The following RBFOX1 variants were observed in gnomAD, a reference collection of about 807,000 sequenced individuals.
The protein encoded by RBFOX1 is RNA binding fox-1 homolog 1.
A neutral mutation model predicts 57.7 loss-of-function variants in RBFOX1; 8 were observed. The ratio of observed to expected loss-of-function variants is 0.14; its 90% confidence interval spans 0.08 to 0.25. RBFOX1 has a LOEUF of 0.25. Ranked by LOEUF, RBFOX1 falls within the 10% of genes least tolerant of loss-of-function variation. The probability of loss-of-function intolerance (pLI) is 1.00; values close to 1 mark genes in which losing one functional copy is unlikely to be tolerated. For synonymous variants in RBFOX1, 326 were observed against 222.4 expected (o/e 1.47, Z -4.15); for missense variants, 611 against 548.5 (o/e 1.11, Z -1.14).
At chr16:6,498,670 C>G (rs2095839523) in intron 2 of RBFOX1, among the ~76,000 whole-genome samples, 1 of 152,162 alleles carries the variant, frequency 6.6e-6, no homozygotes, top group South Asian at 2.1e-4. Context: ...ATAAGGGTTT[C>G]TAAAGAATGT....
At chr16:5,380,335 T>C (rs1258722096) in intron 1 of RBFOX1, among the ~76,000 whole-genome samples, 2 of 152,212 alleles carry the variant, frequency 1.3e-5, no homozygotes, top group East Asian at 3.8e-4. Context: ...GTCCCAAGGA[T>C]AGACGTACAG....
intron 4 of RBFOX1, among the ~76,000 whole-genome samples, chr16:7,069,593 G>A (rs372002135): frequency 9.5e-4 from 144 of 152,206 alleles, no homozygotes; most frequent in Non-Finnish European, 1.3e-3. Flanking sequence ...TTCCTTTCAC[G>A]GCCTGGGTAA....
intron 4 of RBFOX1, among the ~76,000 whole-genome samples, chr16:7,333,356 G>C (rs2096727318): frequency 6.6e-6 from 1 of 152,174 alleles, no homozygotes; most frequent in African/African-American, 2.4e-5. Flanking sequence ...TCAGGAGGTT[G>C]ACCACGGGGC....
chr16:7,169,190 C>A (rs2080178591), intron 4 of RBFOX1, among the ~76,000 whole-genome samples: 1 of 152,092 alleles, frequency 6.6e-6, no homozygotes, highest in Non-Finnish European at 1.5e-5. Flanking sequence ...CCATAGTTTC[C>A]TCATATTTAT....
intron 3 of RBFOX1, among the ~76,000 whole-genome samples, chr16:6,848,410 T>A (rs967363218): frequency 1.4e-4 from 22 of 152,270 alleles, no homozygotes; most frequent in African/African-American, 5.3e-4. Context: ...GAAAATGCTT[T>A]GCATGCCAAA....
chr16:7,147,103 C>T (rs2075153663), intron 4 of RBFOX1, among the ~76,000 whole-genome samples: 1 of 138,544 alleles, frequency 7.2e-6, no homozygotes, highest in African/African-American at 2.7e-5. Context: ...CCCCAGCCTC[C>T]TGAATAGCTG....
At chr16:6,273,435 C>G (rs1018220351) in intron 1 of RBFOX1, among the ~76,000 whole-genome samples, 3 of 146,774 alleles carry the variant, frequency 2.0e-5, no homozygotes, top group Non-Finnish European at 4.5e-5. Flanking sequence ...ACCTCTGCCT[C>G]CTAGCTTCCA....
intron 3 of RBFOX1, among the ~76,000 whole-genome samples, chr16:6,921,049 T>A (rs1423289015): frequency 6.6e-6 from 1 of 152,164 alleles, no homozygotes; most frequent in Non-Finnish European, 1.5e-5. Context: ...GCCCACAGAC[T>A]ATGGGGCTCA....
At chr16:7,422,129 A>G (rs1318885266) in intron 4 of RBFOX1, among the ~76,000 whole-genome samples, 2 of 152,084 alleles carry the variant, frequency 1.3e-5, no homozygotes, top group Non-Finnish European at 2.9e-5. Flanking sequence ...TCTGGGCCAC[A>G]TCGTATTTCT....
chr16:7,151,517 G>C (rs2076104069), intron 4 of RBFOX1, among the ~76,000 whole-genome samples: 1 of 152,144 alleles, frequency 6.6e-6, no homozygotes, highest in Admixed American at 6.5e-5. Flanking sequence ...GCTACTTGTA[G>C]CCTCTAGACC....
intron 4 of RBFOX1, among the ~76,000 whole-genome samples, chr16:7,401,204 C>T (rs952085244): frequency 3.9e-5 from 6 of 152,150 alleles, no homozygotes; most frequent in Non-Finnish European, 8.8e-5. Flanking sequence ...TTTCATCACA[C>T]AGTAGTTGGC....
At chr16:6,629,791 T>A (rs972955554) in intron 2 of RBFOX1, among the ~76,000 whole-genome samples, 1 of 152,222 alleles carries the variant, frequency 6.6e-6, no homozygotes, top group South Asian at 2.1e-4. Flanking sequence ...GCTTCGCTAT[T>A]AGCCACAGCC....
chr16:6,558,016 C>A (rs912190960), intron 2 of RBFOX1, among the ~76,000 whole-genome samples: 1 of 152,114 alleles, frequency 6.6e-6, no homozygotes, highest in Non-Finnish European at 1.5e-5. Flanking sequence ...GAAACATTTT[C>A]TAGGAAAATT....
At chr16:5,900,044 C>T (rs1031624540) in intron 4 of RBFOX1, among the ~76,000 whole-genome samples, 2 of 152,206 alleles carry the variant, frequency 1.3e-5, no homozygotes, top group African/African-American at 4.8e-5. Flanking sequence ...TGCCACTGCA[C>T]TCCAGCCTTG....
chr16:6,852,490 A>C (rs991850807), intron 3 of RBFOX1, among the ~76,000 whole-genome samples: 1 of 152,210 alleles, frequency 6.6e-6, no homozygotes, highest in Admixed American at 6.5e-5. Context: ...TAAGTGTGAG[A>C]ACAGTCTTAC....
chr16:6,492,335 C>T (rs1203246857), intron 2 of RBFOX1, among the ~76,000 whole-genome samples: 12 of 152,112 alleles, frequency 7.9e-5, no homozygotes, highest in Non-Finnish European at 5.9e-5. Context: ...TTTGGGAGGC[C>T]AAGGAAGGAG....
At chr16:6,578,917 A>T (rs2097489938) in intron 2 of RBFOX1, among the ~76,000 whole-genome samples, 1 of 151,988 alleles carries the variant, frequency 6.6e-6, no homozygotes, top group African/African-American at 2.4e-5. Flanking sequence ...AGGGTAAAAG[A>T]CTGCAAATTG....
At chr16:7,512,197 C>T (rs2152069087) in intron 4 of RBFOX1, among the ~76,000 whole-genome samples, 1 of 152,302 alleles carries the variant, frequency 6.6e-6, no homozygotes, top group Middle Eastern at 3.4e-3. Flanking sequence ...AATAATTTTG[C>T]CTGTCACTGT....
At chr16:6,937,112 A>G (rs939215392) in intron 3 of RBFOX1, among the ~76,000 whole-genome samples, 5 of 152,142 alleles carry the variant, frequency 3.3e-5, no homozygotes, top group African/African-American at 1.2e-4. Flanking sequence ...ATAAATAAAA[A>G]AAGATCCATC....
Sources: gnomAD v4.1 joint callset for allele counts (sites outside exome capture counted in the v4.1 genomes callset) on GRCh38, gnomAD v4.1.1 for gene constraint, MANE v1.5 for transcripts, NCBI Gene and HGNC (gene_info 2026-07-23, HGNC 2026-07-21) for gene names.